Variants in TANC1 observed in about 807,000 individuals in gnomAD.
TANC1 encodes protein TANC1.
In TANC1, 77 loss-of-function variants were observed where a neutral mutation model predicts 149.7. The ratio of observed to expected loss-of-function variants is 0.51; its 90% CI spans 0.43 to 0.62. The LOEUF is 0.62. Among genes scored for constraint, TANC1 ranks in the 20% least tolerant of loss-of-function variants. The probability of loss-of-function intolerance (pLI) is 0.00; values close to 1 mark genes in which losing one functional copy is unlikely to be tolerated. For missense variants in TANC1, 1,985 were observed against 2,321.8 expected (o/e 0.85, Z 2.98); for synonymous variants, 854 against 925.0 (o/e 0.92, Z 1.39).
chr2:159,185,605 T>G (rs1270085428), intron 14 of TANC1, among the ~76,000 whole-genome samples, 186 bp from the exon 15 acceptor site: 1 of 152,154 alleles, frequency 6.6e-6, no homozygotes, highest in Non-Finnish European at 1.5e-5. Flanking sequence ...CACATTTGAG[T>G]GTTCACCAAG....
In TANC1 at chr2:159,161,464, A is replaced by G. The variant is rs1430488181; in HGVS notation, c.683-1819A>G. Among the ~76,000 whole-genome samples, 6 of 152,232 alleles carry G rather than the reference A, an allele frequency of 3.9e-5. 1 individual carries two copies. Among genetic ancestry groups the G allele is most frequent in the South Asian group, 4.1e-4 (2 of 4,832 alleles). On this transcript the variant is annotated intron_variant, in intron 7 of 26. Coordinates refer to ENST00000263635, the MANE Select transcript of TANC1 (RefSeq NM_033394.3). Reference sequence around the variant, plus strand: ...AAATGTGAAGGTTTGTAACACCACAATCTGTGTTATGGGATGGCCCCCATT... The same window carrying G: ...AAATGTGAAGGTTTGTAACACCACAGTCTGTGTTATGGGATGGCCCCCATT...
chr2:159,166,704 A>G (rs575146737), intron 8 of TANC1, among the ~76,000 whole-genome samples: 6 of 152,340 alleles, frequency 3.9e-5, no homozygotes, highest in South Asian at 4.1e-4. Flanking sequence ...GAGTGGCCCA[A>G]GTTACCTGCT....
intron 2 of TANC1, among the ~76,000 whole-genome samples, chr2:159,037,049 G>A (rs9678616): frequency 8.6e-4 from 131 of 152,168 alleles, no homozygotes; most frequent in African/African-American, 1.9e-3. Context: ...AATGATCGCC[G>A]TTCTAACTGG....
At chr2:159,166,830 GGT>G (rs1282751640) in intron 8 of TANC1, among the ~76,000 whole-genome samples, 7 of 152,244 alleles carry the variant, frequency 4.6e-5, no homozygotes, top group Admixed American at 4.6e-4. Context: ...ATAGCTGGCA[GGT>G]GGTGGCTTAT....
In TANC1 at chr2:159,170,513, T is replaced by C; in HGVS notation, c.1070-11T>C. The C allele has an allele frequency of 1.9e-6, 3 of 1,559,564 alleles. No individual in the cohort carries two copies. The highest frequency in any genetic ancestry group is 2.6e-6 in the Non-Finnish European group (3 of 1,156,246). On this transcript the variant is annotated splice_polypyrimidine_tract_variant and intron_variant, in intron 9 of 26. Transcript: ENST00000263635. Reference sequence around the variant, plus strand: ...GACATTTTTCTAAAATTTTTTTTTCTTCTTTTGAAGCACGATTTGCTCCCT... The same window carrying C: ...GACATTTTTCTAAAATTTTTTTTTCCTCTTTTGAAGCACGATTTGCTCCCT...
chr2:158,971,593 C>G (rs842070), intron 1 of TANC1, among the ~76,000 whole-genome samples: 60,129 of 151,972 alleles, frequency 0.4, 12,074 homozygotes, highest in South Asian at 0.55. Context: ...TTTCTCCCCA[C>G]GTTATGAAAG....
At chr2:159,170,272 T>C (rs769557351) in intron 9 of TANC1, among the ~76,000 whole-genome samples, 9 of 152,118 alleles carry the variant, frequency 5.9e-5, no homozygotes, top group Non-Finnish European at 1.2e-4. Flanking sequence ...TGAGAATAAT[T>C]CAAAGCCATG....
chr2:158,995,660 T>C (rs570973500), intron 1 of TANC1, among the ~76,000 whole-genome samples: 2 of 152,310 alleles, frequency 1.3e-5, no homozygotes, highest in South Asian at 4.1e-4. Context: ...CTCCATTCAT[T>C]TTGCCTCCCT....
intron 16 of TANC1, among the ~76,000 whole-genome samples, chr2:159,191,965 C>T (rs2057477476): frequency 6.6e-6 from 1 of 151,888 alleles, no homozygotes; most frequent in Non-Finnish European, 1.5e-5. Flanking sequence ...AAGAAACACA[C>T]TGGGCATCTT....
chr2:159,003,810 T>C (rs924038353), intron 2 of TANC1, among the ~76,000 whole-genome samples: 6 of 152,200 alleles, frequency 3.9e-5, no homozygotes, highest in African/African-American at 1.4e-4. Context: ...GTGCTGGTGT[T>C]GGAGGACCCT....
At chr2:159,059,860 C>A (rs1001852526) in intron 2 of TANC1, among the ~76,000 whole-genome samples, 2 of 145,050 alleles carry the variant, frequency 1.4e-5, no homozygotes, top group Non-Finnish European at 3.0e-5. Context: ...TTCTAGATAA[C>A]AGCCAGTGTA....
chr2:159,199,978 A>C (rs1392144886), intron 19 of TANC1, among the ~76,000 whole-genome samples: 1 of 152,196 alleles, frequency 6.6e-6, no homozygotes, highest in Non-Finnish European at 1.5e-5. Flanking sequence ...TTGTGGGTCC[A>C]AAGAAGGAGC....
rs1443160845 is a variant in TANC1, at chr2:159,104,389, C to T, written c.259+6555C>T. On this transcript the variant is annotated intron_variant, in intron 4 of 26. Transcript: ENST00000263635. ...GGGTACTGATGATGCCCAGCTCCTA[C>T]GTTCAGAGACTCAGATTAAATGCAT... Among the ~76,000 whole-genome samples, 3 of 95,536 alleles carry T rather than the reference C, an allele frequency of 3.1e-5. 1 individual carries two copies. The highest frequency in any genetic ancestry group is 3.6e-4 in the South Asian group (1 of 2,772). 62.7% of individuals were successfully genotyped at this position (95,536 alleles called of 152,430 possible). A position where few individuals can be genotyped will look rare whatever the true frequency, so the allele number is the denominator to read the frequency against.
chr2:159,150,847 T>C (rs1209080249), intron 7 of TANC1: 2 of 302,328 alleles, frequency 6.6e-6, no homozygotes, highest in Non-Finnish European at 1.2e-5. Flanking sequence ...TCTTCTATAT[T>C]CAGTTCCATT....
intron 17 of TANC1, 126 bp downstream of exon 17, chr2:159,194,619 C>A: frequency 1.2e-6 from 1 of 845,694 alleles, no homozygotes; most frequent in Non-Finnish European, 1.9e-6. Context: ...AAGGGTCGGG[C>A]TCCAGGGATT....
In TANC1 at chr2:159,231,484, T is replaced by C. The variant is rs898289430; in HGVS notation, c.*472T>C. 3.9e-5 allele frequency: 6 copies of C among 155,762 alleles called. No individual in the cohort carries two copies. The highest frequency in any genetic ancestry group is 7.1e-5 in the Non-Finnish European group (5 of 70,206). The allele number at this position is 155,762 out of a possible 1,614,324, so 9.6% of individuals were successfully genotyped here. Reference sequence around the variant, plus strand: ...AGTCAAATCCCATTTTATATATACATAAAAATTAAGTTCTGAGTGAGTTCT... The same window carrying C: ...AGTCAAATCCCATTTTATATATACACAAAAATTAAGTTCTGAGTGAGTTCT... On this transcript the variant is annotated 3_prime_UTR_variant, in exon 27 of 27. Transcript: ENST00000263635.
intron 24 of TANC1, chr2:159,227,061 T>G (rs1248234206): frequency 1.3e-5 from 2 of 152,228 alleles, no homozygotes; most frequent in African/African-American, 4.8e-5. Flanking sequence ...ATTTGGTATG[T>G]TGTAGATTTT....
chr2:158,988,327 A>C, intron 1 of TANC1, among the ~76,000 whole-genome samples: 1 of 143,342 alleles, frequency 7.0e-6, no homozygotes, highest in South Asian at 2.2e-4. Context: ...CCCTGTCCCA[A>C]AAAAAAAAAA....
rs758883699 is a variant in TANC1 at position 159,178,736 on chromosome 2, C to T, written c.2083C>T (p.His695Tyr). 8 of 1,614,018 alleles carry T rather than the reference C, an allele frequency of 5.0e-6. No homozygotes were observed. Among genetic ancestry groups the T allele is most frequent in the Non-Finnish European group, 5.1e-6 (6 of 1,180,010 alleles). The change falls in exon 14 of 27, where the codon CAC becomes TAC. Residue 695 changes from histidine (H) to tyrosine (Y), a missense_variant. By Grantham distance (83) the His-to-Tyr change is moderately conservative (BLOSUM62 2). Coordinates refer to ENST00000263635, the MANE Select transcript of TANC1 (RefSeq NM_033394.3). ...DATLIGKVSSHLVLRSLGSYL... is the reference protein window; with the variant it reads ...DATLIGKVSSYLVLRSLGSYL... ...CACACTCATTGGAAAAGTGAGCAGC[C>T]ACCTGGTGCTGCGGAGCCTCGGCTC...
Sources: allele counts gnomAD v4.1 joint callset (sites outside exome capture counted in the v4.1 genomes callset), GRCh38; gene constraint gnomAD v4.1.1; transcripts MANE v1.5; gene names NCBI Gene and HGNC (gene_info 2026-07-23, HGNC 2026-07-21).